The following PLAT variants were observed in gnomAD, a reference collection of about 807,000 sequenced individuals.
PLAT encodes the protein tissue-type plasminogen activator.
A neutral mutation model predicts 74.9 loss-of-function variants in PLAT; 48 were observed. That is an observed-to-expected ratio of 0.64 (90% CI 0.51 to 0.82). The LOEUF is 0.82. PLAT is among the 40% of genes least tolerant of loss of function. The pLI is 0.00. For missense variants in PLAT, 673 were observed against 736.2 expected, an observed-to-expected ratio of 0.91 and a Z score of 0.99; for synonymous variants, 307 against 294.4, an observed-to-expected ratio of 1.04 and a Z score of -0.44.
chr8:42,203,460 T>C (rs932625915), intron 1 of PLAT, among the ~76,000 whole-genome samples: 3 of 152,174 alleles, frequency 2.0e-5, no homozygotes, highest in Non-Finnish European at 4.4e-5. Flanking sequence ...CTGGCAGCCA[T>C]GATCAGCACC....
At position 42,180,264 on chromosome 8, in the gene PLAT, A is replaced by G. The variant is rs765641172; in HGVS notation, c.1200T>C (p.Asp400=). Residue 400 remains aspartate (D), a synonymous_variant, in exon 11 of 14, where the codon GAT becomes GAC. Transcript: ENST00000220809. ...TACCAATGTCATTGTCGTAAGTGTC[A>G]TCATCGAATTCCTTATGGACAATGT... ...EKYIVHKEFD[D]DTYDNDIALL... 3.1e-6 allele frequency: 5 copies of G among 1,614,262 alleles called. No homozygotes were observed. Among genetic ancestry groups the G allele is most frequent in the South Asian group, 1.1e-5 (1 of 91,092 alleles).
At chr8:42,188,694 C>T (rs2070710) in intron 4 of PLAT, among the ~76,000 whole-genome samples, 78,187 of 151,878 alleles carry the variant, frequency 0.51, 20,568 homozygotes, top group South Asian at 0.57. Context: ...TGCAGTGGCA[C>T]AATCGTAGAT....
chr8:42,189,395 G>A (rs1805603694), intron 3 of PLAT, among the ~76,000 whole-genome samples: 2 of 151,646 alleles, frequency 1.3e-5, no homozygotes, highest in South Asian at 4.2e-4. Flanking sequence ...GCAGGTGCCT[G>A]TAATCCCAGC....
intron 4 of PLAT, 157 bp from the exon 5 acceptor site, chr8:42,188,173 A>G (rs1280773255): frequency 1.9e-6 from 1 of 526,770 alleles, no homozygotes; most frequent in Non-Finnish European, 3.4e-6. Flanking sequence ...TACTGTTTTC[A>G]TCCTGCCTTT....
At chr8:42,200,013 A>T (rs1308794946) in intron 1 of PLAT, among the ~76,000 whole-genome samples, 3 of 152,210 alleles carry the variant, frequency 2.0e-5, no homozygotes, top group Non-Finnish European at 4.4e-5. Context: ...TACTGATCAG[A>T]AACTTTCATT....
At chr8:42,179,090 T>G (rs1446173359) in intron 12 of PLAT, 27 bp from the exon 13 acceptor site, 1 of 1,560,600 alleles carries the variant, frequency 6.4e-7, no homozygotes, top group Admixed American at 1.9e-5. Context: ...ATCATATGGT[T>G]TTAGGGAAAG....
intron 1 of PLAT, among the ~76,000 whole-genome samples, chr8:42,195,957 T>A (rs1805888745): frequency 6.6e-6 from 1 of 152,194 alleles, no homozygotes; most frequent in South Asian, 2.1e-4. Flanking sequence ...GCCCTCTCGA[T>A]AGGCTCCTGC....
chr8:42,179,059 A>G lies in PLAT; in HGVS notation c.1368T>C (p.Ser456=), dbSNP rs1136159. The change falls in exon 13 of 14, where the codon TCT becomes TCC. Residue 456 remains serine (S), a synonymous_variant. Coordinates refer to ENST00000220809, the MANE Select transcript of PLAT (RefSeq NM_000930.5). ...LSGYGKHEAL[S]PFYSERLKEA... is the part of the protein sequence containing the mutation. ...CCTTCAGCCGCTCCGAATAGAAAGG[A>G]GACACTGAAAGGGGAGAACCATCAT... 198,114 of 1,607,232 alleles carry G rather than the reference A, an allele frequency of 0.12. 13,368 individuals carry two copies. The highest frequency in any genetic ancestry group is 0.18 in the South Asian group (16,500 of 90,444).
At chr8:42,199,070 G>A (rs1028951855) in intron 1 of PLAT, among the ~76,000 whole-genome samples, 1 of 152,210 alleles carries the variant, frequency 6.6e-6, no homozygotes, top group Non-Finnish European at 1.5e-5. Flanking sequence ...GGAGCTTTGA[G>A]CCTGGTAGCT....
At chr8:42,177,352 C>G (rs1053770295) in intron 13 of PLAT, among the ~76,000 whole-genome samples, 8 of 152,170 alleles carry the variant, frequency 5.3e-5, no homozygotes, top group African/African-American at 1.9e-4. Context: ...TTTTTCCAGG[C>G]ATGCTGTTAA....
chr8:42,203,390 G>A (rs2129825875), intron 1 of PLAT, among the ~76,000 whole-genome samples: 1 of 152,332 alleles, frequency 6.6e-6, no homozygotes, highest in Middle Eastern at 3.4e-3. Flanking sequence ...TCACAGCCGG[G>A]CAGCTGCTGC....
In PLAT at chr8:42,180,335, G is replaced by T. The variant is rs932225923; in HGVS notation, c.1129C>A (p.Arg377=). Residue 377 remains arginine (R), a synonymous_variant, in exon 11 of 14, where the codon CGG becomes AGG. Coordinates refer to ENST00000220809, the MANE Select transcript of PLAT (RefSeq NM_000930.5). ...TGCTCCTCCTCGCCAGGGACCACCC[G>T]GTATGTTCTGCCCAAGATCACCGTC... ...HLTVILGRTY[R]VVPGEEEQKF... 1 of 1,614,198 alleles carries T rather than the reference G, an allele frequency of 6.2e-7. No homozygotes were observed. The highest frequency in any genetic ancestry group is 1.6e-4 in the Middle Eastern group (1 of 6,062).
intron 1 of PLAT, 34 bp from the exon 2 acceptor site, chr8:42,193,245 G>GA: frequency 7.3e-7 from 1 of 1,368,492 alleles, no homozygotes; most frequent in South Asian, 1.2e-5. Flanking sequence ...TGATCACGGG[G>GA]TGCGAGAGGT....
rs751258988 is a variant in PLAT at position 42,187,459 on chromosome 8, G to T, written c.478C>A (p.Pro160Thr). 6.2e-7 allele frequency: 1 copy of T among 1,606,970 alleles called. No homozygotes were observed. The highest frequency in any genetic ancestry group is 1.1e-5 in the South Asian group (1 of 91,040). ...GCGTCTGGCCTCCGCCCGCTGTAGG[G>T]CTTCTGGGCCAACGCGCTGCTGTTC... The part of the protein sequence containing the change: ...NWNSSALAQK[P>T]YSGRRPDAIR... Residue 160 changes from proline (P) to threonine (T), a missense_variant, in exon 6 of 14, where the codon CCC (proline) becomes ACC (threonine). Transcript: ENST00000220809.
intron 2 of PLAT, among the ~76,000 whole-genome samples, chr8:42,192,113 C>T (rs768918767): frequency 1.3e-5 from 2 of 151,460 alleles, no homozygotes; most frequent in Non-Finnish European, 2.9e-5. Context: ...AAGCGATCCT[C>T]CCGCCTCAGC....
intron 1 of PLAT, among the ~76,000 whole-genome samples, chr8:42,197,060 A>AT (rs375438519): frequency 4.0e-3 from 609 of 152,288 alleles, no homozygotes; most frequent in Non-Finnish European, 6.6e-3. Context: ...CACAAAGTTG[A>AT]TTTTTGCAGA....
At chr8:42,185,287 CAG>C (rs1477225840) in intron 6 of PLAT, 115 bp from the exon 7 acceptor site, 9 of 539,666 alleles carry the variant, frequency 1.7e-5, no homozygotes, top group East Asian at 1.6e-4. Flanking sequence ...TTTTTTTTGA[CAG>C]AGTCTCGCTG....
chr8:42,204,024 C>T (rs1806242636), intron 1 of PLAT, among the ~76,000 whole-genome samples: 1 of 148,820 alleles, frequency 6.7e-6, no homozygotes, highest in African/African-American at 2.5e-5. Context: ...CACACACACA[C>T]ACACATACAA....
At chr8:42,185,326 G>A (rs946905185) in intron 6 of PLAT, 154 bp from the exon 7 acceptor site, 15 of 456,454 alleles carry the variant, frequency 3.3e-5, no homozygotes, top group Admixed American at 1.6e-4. Context: ...GTGCAGCGGC[G>A]CATCTCCTCT....
Sources: allele counts gnomAD v4.1 joint callset (sites outside exome capture counted in the v4.1 genomes callset), GRCh38; gene constraint gnomAD v4.1.1; transcripts MANE v1.5; gene names NCBI Gene and HGNC (gene_info 2026-07-23, HGNC 2026-07-21).